Variants in RD3 observed in about 807,000 individuals in gnomAD.
The protein encoded by RD3 is RD3 regulator of GUCY2D.
A neutral mutation model predicts 16.9 loss-of-function variants in RD3; 11 were observed. That is an observed-to-expected ratio of 0.65 (90% CI 0.41 to 1.08). The LOEUF is 1.08. Among genes scored for constraint, RD3 ranks in the 50% least tolerant of loss-of-function variants. The pLI is 0.00. For synonymous variants in RD3, 116 were observed against 114.8 expected, an observed-to-expected ratio of 1.01 and a Z score of -0.07; for missense variants, 274 against 267.4, an observed-to-expected ratio of 1.02 and a Z score of -0.17.
intron 1 of RD3, among the ~76,000 whole-genome samples, chr1:211,490,103 A>G (rs553251740): frequency 2.6e-5 from 4 of 152,310 alleles, no homozygotes; most frequent in African/African-American, 9.6e-5. Flanking sequence ...TGTGCTGGAA[A>G]AACTCTCGCG....
chr1:211,477,808 G>GTAGCAAA lies in RD3; in HGVS notation c.*1227_*1228insTTTGCTA, dbSNP rs1209266399. 396 of 337,460 alleles carry GTAGCAAA rather than the reference G, an allele frequency of 1.2e-3. No individual in the cohort carries two copies. The highest frequency in any genetic ancestry group is 7.9e-3 in the African/African-American group (374 of 47,414). 20.9% of individuals were successfully genotyped at this position (337,460 alleles called of 1,614,324 possible). On this transcript the variant is annotated 3_prime_UTR_variant, in exon 3 of 3. Coordinates refer to ENST00000680073, the MANE Select transcript of RD3 (RefSeq NM_001164688.2). ...TAAGGTCCACTTGCATTTTCTGCAT[G>GTAGCAAA]TGTGCTGGTAGTTGAGGGTAGACAC...
At chr1:211,490,717 G>C (rs1458572670) in intron 1 of RD3, among the ~76,000 whole-genome samples, 2 of 152,182 alleles carry the variant, frequency 1.3e-5, no homozygotes, top group Non-Finnish European at 2.9e-5. Flanking sequence ...AGCCAGATAT[G>C]AGCGGGCCTG....
At chr1:211,487,470 C>T (rs189500324) in intron 1 of RD3, among the ~76,000 whole-genome samples, 1 of 152,334 alleles carries the variant, frequency 6.6e-6, no homozygotes, top group Admixed American at 6.5e-5. Context: ...GGGCCAAGCC[C>T]TTGGCCCCTA....
At chr1:211,485,026 G>A (rs1408599730) in intron 1 of RD3, among the ~76,000 whole-genome samples, 1 of 152,224 alleles carries the variant, frequency 6.6e-6, no homozygotes, top group Non-Finnish European at 1.5e-5. Flanking sequence ...AGGGTGGCAT[G>A]TCTCCTGGAC....
intron 1 of RD3, among the ~76,000 whole-genome samples, chr1:211,485,381 T>C (rs896126352): frequency 6.6e-6 from 1 of 152,122 alleles, no homozygotes; most frequent in Non-Finnish European, 1.5e-5. Flanking sequence ...TTTCTGCTGG[T>C]GCTATTTCTG....
intron 1 of RD3, among the ~76,000 whole-genome samples, chr1:211,490,232 AC>A (rs1295065873): frequency 1.3e-5 from 2 of 152,042 alleles, no homozygotes; most frequent in South Asian, 2.1e-4. Flanking sequence ...CAGGGCTCTG[AC>A]CCCCTGCAGG....
intron 1 of RD3, among the ~76,000 whole-genome samples, chr1:211,484,291 C>T (rs1224594157): frequency 1.3e-5 from 2 of 152,122 alleles, no homozygotes; most frequent in Non-Finnish European, 2.9e-5. Flanking sequence ...AATGAATGCC[C>T]GAACAAAGGA....
In RD3 at chr1:211,481,343, C is replaced by T. The variant is rs1401644440; in HGVS notation, c.73G>A (p.Val25Met). The change falls in exon 2 of 3, where the codon GTG becomes ATG. Residue 25 changes from valine to methionine, a missense_variant. Val to Met is a conservative substitution (Grantham distance 21). Coordinates refer to ENST00000680073, the MANE Select transcript of RD3 (RefSeq NM_001164688.2). ...AGCTCCATCATAAGCGTCTCCAGCACCATCTCAGCAGGGCTCCTGGTGGAC... is the reference window on the plus strand; with the variant it reads ...AGCTCCATCATAAGCGTCTCCAGCATCATCTCAGCAGGGCTCCTGGTGGAC... ...RLSTRSPAEM[V>M]LETLMMELTG... The T allele has an allele frequency of 1.2e-6, 2 of 1,614,128 alleles. No individual in the cohort carries two copies. Among genetic ancestry groups the T allele is most frequent in the South Asian group, 2.2e-5 (2 of 91,082 alleles).
intron 2 of RD3, among the ~76,000 whole-genome samples, chr1:211,480,030 G>A (rs140308180): frequency 1.3e-5 from 2 of 152,274 alleles, no homozygotes; most frequent in East Asian, 1.9e-4. Context: ...ACATGAGACC[G>A]GAAATGAGAC....
At chr1:211,480,706 G>A (rs1705241064) in intron 2 of RD3, among the ~76,000 whole-genome samples, 1 of 151,950 alleles carries the variant, frequency 6.6e-6, no homozygotes, top group Non-Finnish European at 1.5e-5. Context: ...AGACTAGCAT[G>A]AAAGCTAACA....
In RD3 at chr1:211,477,693, C is replaced by G. The variant is rs11119746; in HGVS notation, c.*1343G>C. Reference sequence around the variant, plus strand: ...TCAAAAGGGAAGTTCAAAACCAAATCATTCAAAAAAACTTTTTTCCACTGA... The same window carrying G: ...TCAAAAGGGAAGTTCAAAACCAAATGATTCAAAAAAACTTTTTTCCACTGA... On this transcript the variant is annotated 3_prime_UTR_variant, in exon 3 of 3. Coordinates refer to ENST00000680073, the MANE Select transcript of RD3 (RefSeq NM_001164688.2). The G allele has an allele frequency of 0.18, 29,140 of 161,090 alleles. 3,401 individuals carry two copies. The highest frequency in any genetic ancestry group is 0.32 in the African/African-American group (13,419 of 41,848). The allele number at this position is 161,090 out of a possible 1,614,324, so 10.0% of individuals were successfully genotyped here.
intron 1 of RD3, among the ~76,000 whole-genome samples, chr1:211,482,857 A>G (rs1705303831): frequency 6.6e-6 from 1 of 151,724 alleles, no homozygotes; most frequent in South Asian, 2.1e-4. Context: ...TCCCCCTTCC[A>G]TGCACCAATG....
At chr1:211,487,344 T>C (rs1705393713) in intron 1 of RD3, among the ~76,000 whole-genome samples, 2 of 152,176 alleles carry the variant, frequency 1.3e-5, no homozygotes, top group Admixed American at 1.3e-4. Flanking sequence ...CGAACCACAG[T>C]GTGGGGTGAG....
intron 1 of RD3, among the ~76,000 whole-genome samples, chr1:211,489,789 G>A (rs762192931): frequency 1.3e-5 from 2 of 152,086 alleles, no homozygotes; most frequent in Non-Finnish European, 2.9e-5. Flanking sequence ...TCTGGTCACC[G>A]TGTTGGGAGA....
chr1:211,488,142 G>A (rs1056139402), intron 1 of RD3, among the ~76,000 whole-genome samples: 26 of 152,296 alleles, frequency 1.7e-4, no homozygotes, highest in South Asian at 2.1e-4. Context: ...TCTGAGACTC[G>A]GGCAGGAGAC....
intron 1 of RD3, among the ~76,000 whole-genome samples, chr1:211,490,963 G>T (rs1218075616): frequency 6.6e-6 from 1 of 152,246 alleles, no homozygotes; most frequent in Non-Finnish European, 1.5e-5. Context: ...AGGGCGAGAG[G>T]AATGTGGGTT....
chr1:211,489,187 A>G (rs1356615116), intron 1 of RD3, among the ~76,000 whole-genome samples: 1 of 152,230 alleles, frequency 6.6e-6, no homozygotes, highest in Non-Finnish European at 1.5e-5. Context: ...AACTAACAAT[A>G]AGCTGATTCA....
intron 1 of RD3, among the ~76,000 whole-genome samples, chr1:211,486,643 G>T (rs1208377346): frequency 6.6e-6 from 1 of 152,134 alleles, no homozygotes; most frequent in East Asian, 1.9e-4. Context: ...GAGGTCAGGA[G>T]TTCGAGACCA....
At chr1:211,479,711 C>T (rs1363677912) in intron 2 of RD3, among the ~76,000 whole-genome samples, 1 of 152,234 alleles carries the variant, frequency 6.6e-6, no homozygotes, top group Admixed American at 6.5e-5. Flanking sequence ...CTCTTCTCCA[C>T]CCACTGGCCA....
Sources: gnomAD v4.1 joint callset for allele counts (sites outside exome capture counted in the v4.1 genomes callset) on GRCh38, gnomAD v4.1.1 for gene constraint, MANE v1.5 for transcripts, NCBI Gene and HGNC (gene_info 2026-07-23, HGNC 2026-07-21) for gene names.